Variants in CAMSAP3 observed in about 807,000 individuals in gnomAD.
CAMSAP3 encodes the protein calmodulin regulated spectrin associated protein family member 3, also known as calmodulin-regulated spectrin-associated protein 3.
In CAMSAP3, 34 loss-of-function variants were observed where a neutral mutation model predicts 112.5. The ratio of observed to expected loss-of-function variants is 0.30; its 90% CI spans 0.23 to 0.40. The LOEUF (loss-of-function observed/expected upper bound fraction) is 0.40, where lower values mean the gene tolerates loss of function less well. Ranked by LOEUF, CAMSAP3 falls within the 10% of genes least tolerant of loss-of-function variation. The pLI, the probability that CAMSAP3 is intolerant of heterozygous loss-of-function variation, is 1.00. For missense variants in CAMSAP3, 1,602 were observed against 1,770.3 expected, an observed-to-expected ratio of 0.90 and a Z score of 1.71; for synonymous variants, 868 against 799.8, an observed-to-expected ratio of 1.09 and a Z score of -1.44.
At chr19:7,606,151 GCCCCA>G in intron 2 of CAMSAP3, 115 bp from the exon 3 acceptor site, 1 of 151,402 alleles carries the variant, frequency 6.6e-6, no homozygotes, top group Non-Finnish European at 1.2e-5. Flanking sequence ...GCCCCCTCAA[GCCCCA>G]CCCCCCCCGT....
Position 7,612,639 on chromosome 19 carries a change from G to T in CAMSAP3, c.2146G>T (p.Asp716Tyr). 1 of 1,520,388 alleles carries T rather than the reference G, an allele frequency of 6.6e-7. No homozygotes were observed. Among genetic ancestry groups the T allele is most frequent in the Non-Finnish European group, 8.8e-7 (1 of 1,135,668 alleles). The allele number at this position is 1,520,388 out of a possible 1,614,324, so 94.2% of individuals were successfully genotyped here. ...LSAALSSLQRDMQRLTDQQQR... is the reference protein window; with the variant it reads ...LSAALSSLQRYMQRLTDQQQR... ...TGCCGCCTTGAGCTCGCTGCAGCGG[G>T]ACATGCAGAGGCTCACGGACCAGCA... The change falls in exon 11 of 17, where the codon GAC becomes TAC. Residue 716 changes from aspartate (D) to tyrosine (Y), a missense_variant. Asp to Tyr is a radical substitution (Grantham distance 160). Transcript: ENST00000160298.
rs1310131611 is a variant in CAMSAP3, at chr19:7,615,649, G to A, written c.3042G>A (p.Arg1014=). 4 of 1,429,230 alleles carry A rather than the reference G, an allele frequency of 2.8e-6. No individual in the cohort carries two copies. The South Asian group carries it at 5.9e-5, about 21-fold the overall frequency. 88.5% of individuals were successfully genotyped at this position (1,429,230 alleles called of 1,614,324 possible). The change falls in exon 13 of 17, where the codon AGG becomes AGA. Residue 1014 remains arginine (R), a synonymous_variant. Transcript: ENST00000160298. The surrounding 1 kb of genome is among the most constrained non-coding windows in gnomAD (Gnocchi z 6.5). ...GGGGTCCAGGTCGGGGCGGGCGGAG[G>A]GCCACCCGGCCTCGCTCGGGTTGCT... The part of the protein sequence containing the change: ...GSGGPGRGGR[R]ATRPRSGCCD...
intron 1 of CAMSAP3, among the ~76,000 whole-genome samples, chr19:7,601,880 G>A (rs1233780533): frequency 2.6e-5 from 4 of 151,368 alleles, no homozygotes; most frequent in African/African-American, 7.3e-5. Flanking sequence ...CCTGGTCAAC[G>A]TGGTGAAACC....
rs1193708211 is a variant in CAMSAP3 at position 7,612,714 on chromosome 19, G to A, written c.2221G>A (p.Ala741Thr). Residue 741 changes from alanine to threonine, a missense_variant, in exon 11 of 17, where the codon GCT (alanine) becomes ACT (threonine). Transcript: ENST00000160298. ...PEAPGSAPPP[A>T]AWVIPGPTTG... is the part of the protein sequence containing the mutation. ...GGCCCCCGGATCCGCCCCACCACCTGCTGCGTGGGTCATCCCTGGCCCCAC... is the reference window on the plus strand; with the variant it reads ...GGCCCCCGGATCCGCCCCACCACCTACTGCGTGGGTCATCCCTGGCCCCAC... 2 of 1,527,210 alleles carry A rather than the reference G, an allele frequency of 1.3e-6. No individual in the cohort carries two copies. The highest frequency in any genetic ancestry group is 1.2e-5 in the South Asian group (1 of 83,408). 94.6% of individuals were successfully genotyped at this position (1,527,210 alleles called of 1,614,324 possible). A position where few individuals can be genotyped will look rare whatever the true frequency, so the allele number is the denominator to read the frequency against.
In CAMSAP3 at chr19:7,611,691, C is replaced by A. The variant is rs1263470341; in HGVS notation, c.1198C>A (p.Pro400Thr). The A allele has an allele frequency of 6.4e-7, 1 of 1,561,924 alleles. No homozygotes were observed. Among genetic ancestry groups the A allele is most frequent in the Non-Finnish European group, 8.7e-7 (1 of 1,151,338 alleles). Reference sequence around the variant, plus strand: ...CCCCTCCCTCCGGCCGCCCAGCCGTCCCCTCTCCCAGGCTGTGTCATTCAG... The same window carrying A: ...CCCCTCCCTCCGGCCGCCCAGCCGTACCCTCTCCCAGGCTGTGTCATTCAG... ...GKAWNRQLSR[P>T]LSQAVSFSTP... Residue 400 changes from proline to threonine, a missense_variant, in exon 11 of 17, where the codon CCC (proline) becomes ACC (threonine). This residue lies in a region of CAMSAP3 where 1,100 missense variants were observed against 1,135.7 expected (regional missense o/e 0.97). Transcript: ENST00000160298. The surrounding 1 kb of genome is among the most constrained non-coding windows in gnomAD (Gnocchi z 6.9).
In CAMSAP3 at chr19:7,617,871, T is replaced by C. The variant is rs1234016070; in HGVS notation, c.3564T>C (p.Tyr1188=). Residue 1188 remains tyrosine, a synonymous_variant, in exon 17 of 17, where the codon TAT becomes TAC. Coordinates refer to ENST00000160298, the MANE Select transcript of CAMSAP3 (RefSeq NM_020902.2). The surrounding 1 kb of genome is among the most constrained non-coding windows in gnomAD (Gnocchi z 7.5). ...AGGAGCTGTCGCGGCTGGCAGGGTATGGGCCCCGGACCGTCACGCCCGCCA... is the reference window on the plus strand; with the variant it reads ...AGGAGCTGTCGCGGCTGGCAGGGTACGGGCCCCGGACCGTCACGCCCGCCA... The part of the protein sequence containing the change: ...ETEELSRLAG[Y]GPRTVTPAMV... 6.2e-7 allele frequency: 1 copy of C among 1,613,534 alleles called. No homozygotes were observed. The highest frequency in any genetic ancestry group is 1.3e-5 in the African/African-American group (1 of 74,922).
rs2030702819 is a variant in CAMSAP3, at chr19:7,615,017, T to A, written c.2671-166T>A. 9.2e-6 allele frequency: 7 copies of A among 762,744 alleles called. No individual in the cohort carries two copies. The Admixed American group carries it at 1.6e-4, about 17-fold the overall frequency. 47.2% of individuals were successfully genotyped at this position (762,744 alleles called of 1,614,324 possible). A position where few individuals can be genotyped will look rare whatever the true frequency, so the allele number is the denominator to read the frequency against. On this transcript the variant is annotated intron_variant, in intron 11 of 16. Transcript: ENST00000160298. This position sits in a 1 kb window ranked among gnomAD's most constrained non-coding sequence, Gnocchi z 6.5. ...GTATCCCATCCCTGTTGTGTCCCAG[T>A]ACTTAGTGTGGGGCTGTGCATACAG...
At position 7,605,233 on chromosome 19, in the gene CAMSAP3, GC is replaced by G; in HGVS notation, c.161del (p.Pro54ArgfsTer17). 2.0e-6 allele frequency: 3 copies of G among 1,531,444 alleles called. No individual in the cohort carries two copies. Among genetic ancestry groups the G allele is most frequent in the South Asian group, 1.2e-5 (1 of 81,116 alleles). The allele number at this position is 1,531,444 out of a possible 1,614,324, so 94.9% of individuals were successfully genotyped here. On this transcript the variant is annotated frameshift_variant, in exon 2 of 17. Coordinates refer to ENST00000160298, the MANE Select transcript of CAMSAP3 (RefSeq NM_020902.2). LOFTEE classifies it high-confidence loss of function. Reference sequence around the variant, plus strand: ...CCCTCTATGCCCCCACAGAGCACGTGCCCCCGGAGCTGTGGGAGCCCTTCTA... The same window carrying G: ...CCCTCTATGCCCCCACAGAGCACGTGCCCCGGAGCTGTGGGAGCCCTTCTA... ...RAAFGGAEHV[P>X]PELWEPFYTD...
Position 7,616,547 on chromosome 19 carries a change from C to G in CAMSAP3, c.3137C>G (p.Ser1046Cys). The G allele has an allele frequency of 1.2e-6, 2 of 1,613,334 alleles. No homozygotes were observed. Among genetic ancestry groups the G allele is most frequent in the Non-Finnish European group, 1.7e-6 (2 of 1,179,780 alleles). The change falls in exon 14 of 17, where the codon TCC (serine) becomes TGC (cysteine). Residue 1046 changes from serine to cysteine, a missense_variant. Transcript: ENST00000160298. Reference protein sequence around the residue: ...LLGSRLSKIYSQSTLSLSTVA... With the variant: ...LLGSRLSKIYCQSTLSLSTVA... The stretch of plus-strand genomic sequence containing the variant: ...GGCTCTCGGCTGAGCAAAATCTATT[C>G]CCAGTCCACCCTGTCACTGTCCACT...
chr19:7,604,630 C>A (rs546541944), intron 1 of CAMSAP3, among the ~76,000 whole-genome samples: 13 of 151,072 alleles, frequency 8.6e-5, no homozygotes, highest in African/African-American at 1.2e-4. Context: ...CGCCTGTGTG[C>A]CCCCCACTCA....
At chr19:7,597,222 C>T (rs1485157517) in intron 1 of CAMSAP3, among the ~76,000 whole-genome samples, 1 of 151,994 alleles carries the variant, frequency 6.6e-6, no homozygotes, top group Non-Finnish European at 1.5e-5. Context: ...TGACAGCTGT[C>T]CGTCTCCTGG....
chr19:7,602,852 T>C (rs968372596), intron 1 of CAMSAP3, among the ~76,000 whole-genome samples: 1 of 148,150 alleles, frequency 6.7e-6, no homozygotes, highest in African/African-American at 2.5e-5. Context: ...CCCACAGATA[T>C]GCTTTGGAGG....
chr19:7,606,150 A>AG, intron 2 of CAMSAP3, 121 bp from the exon 3 acceptor site: 3 of 265,230 alleles, frequency 1.1e-5, no homozygotes, highest in South Asian at 6.6e-5. Flanking sequence ...CGCCCCCTCA[A>AG]GCCCCACCCC....
In CAMSAP3 at chr19:7,617,449, G is replaced by A. The variant is rs1392053334; in HGVS notation, c.3325+11G>A. On this transcript the variant is annotated intron_variant, in intron 15 of 16. Coordinates refer to ENST00000160298, the MANE Select transcript of CAMSAP3 (RefSeq NM_020902.2). This position sits in a 1 kb window ranked among gnomAD's most constrained non-coding sequence, Gnocchi z 7.5. ...TGCCCGAGTACACAGGTAAGCAGGGGCTCTGGGTGATGTGAGGAGCAACAG... is the reference window on the plus strand; with the variant it reads ...TGCCCGAGTACACAGGTAAGCAGGGACTCTGGGTGATGTGAGGAGCAACAG... 1.9e-6 allele frequency: 3 copies of A among 1,612,932 alleles called. No homozygotes were observed. The highest frequency in any genetic ancestry group is 2.2e-5 in the South Asian group (2 of 91,056).
chr19:7,596,880 A>T (rs1323346046), intron 1 of CAMSAP3, among the ~76,000 whole-genome samples: 1 of 152,008 alleles, frequency 6.6e-6, no homozygotes, highest in Non-Finnish European at 1.5e-5. Flanking sequence ...GCCTTCTCCC[A>T]TTAGAGCAGA....
chr19:7,617,665 A>G lies in CAMSAP3; in HGVS notation c.3444+4A>G, dbSNP rs747109143. The G allele has an allele frequency of 7.4e-6, 12 of 1,613,820 alleles. No homozygotes were observed. Among genetic ancestry groups the G allele is most frequent in the Non-Finnish European group, 6.8e-6 (8 of 1,179,782 alleles). ...GCAGAAGAATCGCATTCTGGAGGTG[A>G]GCCCGCCCACACGTGGGAGTTGGGG... On this transcript the variant is annotated splice_donor_region_variant and intron_variant, in intron 16 of 16. Transcript: ENST00000160298. The surrounding 1 kb of genome is among the most constrained non-coding windows in gnomAD (Gnocchi z 7.5).
chr19:7,617,532 T>G lies in CAMSAP3; in HGVS notation c.3326-11T>G. On this transcript the variant is annotated splice_polypyrimidine_tract_variant and intron_variant, in intron 15 of 16. Coordinates refer to ENST00000160298, the MANE Select transcript of CAMSAP3 (RefSeq NM_020902.2). The surrounding 1 kb of genome is among the most constrained non-coding windows in gnomAD (Gnocchi z 7.5). ...CTGCCCCCCACCCCCTCCCACTGCCTCACCCTCTAGGTCCACGGCTGTACA... is the reference window on the plus strand; with the variant it reads ...CTGCCCCCCACCCCCTCCCACTGCCGCACCCTCTAGGTCCACGGCTGTACA... 6.7e-7 allele frequency: 1 copy of G among 1,503,246 alleles called. No individual in the cohort carries two copies. The highest frequency in any genetic ancestry group is 9.3e-7 in the Non-Finnish European group (1 of 1,079,936). 93.1% of individuals were successfully genotyped at this position (1,503,246 alleles called of 1,614,324 possible). A position where few individuals can be genotyped will look rare whatever the true frequency, so the allele number is the denominator to read the frequency against.
At chr19:7,596,436 G>A (rs541548226) in intron 1 of CAMSAP3, among the ~76,000 whole-genome samples, 2 of 151,994 alleles carry the variant, frequency 1.3e-5, no homozygotes, top group South Asian at 2.1e-4. Context: ...TGAGCCGGGC[G>A]GGGTCTGCGG....
intron 1 of CAMSAP3, among the ~76,000 whole-genome samples, chr19:7,600,927 C>T (rs1216758307): frequency 6.6e-6 from 1 of 150,934 alleles, no homozygotes; most frequent in Non-Finnish European, 1.5e-5. Context: ...TCCATTTATC[C>T]ATCCATCCAT....
Sources: allele counts gnomAD v4.1 joint callset (sites outside exome capture counted in the v4.1 genomes callset), GRCh38; gene constraint gnomAD v4.1.1; regional missense constraint gnomAD v4.1.1; non-coding constraint Gnocchi (gnomAD v3.1); transcripts MANE v1.5; gene names NCBI Gene and HGNC (gene_info 2026-07-23, HGNC 2026-07-21).